NALF1: variants seen among roughly 807,000 people sequenced by gnomAD.
NALF1 encodes NALCN channel auxiliary factor 1.
In NALF1, 3 loss-of-function variants were observed where a neutral mutation model predicts 48.4. That is an observed-to-expected ratio of 0.06 (90% confidence interval 0.03 to 0.16). The LOEUF (loss-of-function observed/expected upper bound fraction) is 0.16, where lower values mean the gene tolerates loss of function less well. NALF1 is among the 10% of genes least tolerant of loss of function. NALF1 has a pLI of 1.00. For missense variants in NALF1, 526 were observed against 571.5 expected (o/e 0.92, Z 0.81); for synonymous variants, 262 against 245.7 (o/e 1.07, Z -0.62).
At chr13:107,308,458 T>G (rs903870512) in intron 1 of NALF1, among the ~76,000 whole-genome samples, 1 of 152,138 alleles carries the variant, frequency 6.6e-6, no homozygotes, top group African/African-American at 2.4e-5. Context: ...CGCCTCGGCC[T>G]CCCAAAGTGC....
In NALF1 at chr13:107,867,153, C is replaced by T. The variant is rs1049239460; in HGVS notation, c.-557G>A. On this transcript the variant is annotated 5_prime_UTR_variant, in exon 1 of 3. Coordinates refer to ENST00000375915, the MANE Select transcript of NALF1 (RefSeq NM_001080396.3). The surrounding 1 kb of genome is among the most constrained non-coding windows in gnomAD (Gnocchi z 4.4). Reference sequence around the variant, plus strand: ...CTCCTCCTCCTCCTCCTCTTCTTCTCCTCCTCTTCCTCCTCCTTCCTTTCC... The same window carrying T: ...CTCCTCCTCCTCCTCCTCTTCTTCTTCTCCTCTTCCTCCTCCTTCCTTTCC... 2.0e-5 allele frequency among the ~76,000 whole-genome samples: 3 copies of T among 151,894 alleles called. No individual in the cohort carries two copies. In the East Asian group the frequency reaches 5.9e-4, roughly 30 times the overall value.
intron 1 of NALF1, among the ~76,000 whole-genome samples, chr13:107,412,165 AAT>A (rs1884003952): frequency 6.6e-6 from 1 of 152,112 alleles, no homozygotes; most frequent in Admixed American, 6.6e-5. Context: ...GCGCTTAAAC[AAT>A]AGTTTCCCAC....
At chr13:107,823,625 C>A (rs1225083448) in intron 1 of NALF1, among the ~76,000 whole-genome samples, 1 of 148,628 alleles carries the variant, frequency 6.7e-6, no homozygotes, top group Non-Finnish European at 1.5e-5. Flanking sequence ...CTCCCTTCTC[C>A]AACTTATGCC....
intron 1 of NALF1, among the ~76,000 whole-genome samples, chr13:107,542,337 C>T (rs1188970208): frequency 1.3e-5 from 2 of 151,670 alleles, no homozygotes; most frequent in African/African-American, 2.4e-5. Context: ...GGGAGGGGGG[C>T]AATGACACTG....
At chr13:107,785,087 T>TAC (rs1191499510) in intron 1 of NALF1, among the ~76,000 whole-genome samples, 1 of 151,954 alleles carries the variant, frequency 6.6e-6, no homozygotes. Context: ...TATGTATATA[T>TAC]ACACACACAT....
intron 1 of NALF1, among the ~76,000 whole-genome samples, chr13:107,717,954 A>T (rs1180780694): frequency 6.6e-6 from 1 of 152,136 alleles, no homozygotes; most frequent in Non-Finnish European, 1.5e-5. Context: ...AGTGCTGCTC[A>T]CTAAGCTTAC....
At chr13:107,359,252 G>A (rs1470761453) in intron 1 of NALF1, among the ~76,000 whole-genome samples, 1 of 151,900 alleles carries the variant, frequency 6.6e-6, no homozygotes, top group Non-Finnish European at 1.5e-5. Flanking sequence ...TATCTCTCAT[G>A]TCAACATTCA....
intron 1 of NALF1, among the ~76,000 whole-genome samples, chr13:107,285,695 C>G (rs1346554156): frequency 6.6e-6 from 1 of 151,802 alleles, no homozygotes; most frequent in East Asian, 1.9e-4. Flanking sequence ...ATGTAGTATA[C>G]AGTATATATT....
At chr13:107,818,871 C>CAAAA (rs774372636) in intron 1 of NALF1, among the ~76,000 whole-genome samples, 1,684 of 73,676 alleles carry the variant, frequency 0.023, 93 homozygotes, top group East Asian at 0.16. Context: ...GACTCCGTCT[C>CAAAA]AAAAAAAAAA....
intron 1 of NALF1, among the ~76,000 whole-genome samples, chr13:107,234,945 G>T (rs372633366): frequency 6.6e-6 from 1 of 152,022 alleles, no homozygotes; most frequent in Non-Finnish European, 1.5e-5. Flanking sequence ...ACGAGCCACA[G>T]TACAGCTCCC....
At position 107,530,307 on chromosome 13, in the gene NALF1, T is replaced by C. The variant is rs116225512; in HGVS notation, c.916-319552A>G. 7.1e-3 allele frequency among the ~76,000 whole-genome samples: 1,084 copies of C among 152,250 alleles called. 11 individuals are homozygous for C. The highest frequency in any genetic ancestry group is 0.025 in the African/African-American group (1,029 of 41,550). ...TAGCATATATCCCAATCCATAATTA[T>C]TTTTATATTTGTTTCCTATTTACTA... is the stretch of plus-strand genomic sequence containing the variant. On this transcript the variant is annotated intron_variant, in intron 1 of 2. Coordinates refer to ENST00000375915, the MANE Select transcript of NALF1 (RefSeq NM_001080396.3).
chr13:107,175,787 GT>G (rs1247883115), intron 2 of NALF1, among the ~76,000 whole-genome samples: 1 of 152,272 alleles, frequency 6.6e-6, no homozygotes, highest in East Asian at 1.9e-4. Flanking sequence ...CCTACAGATG[GT>G]TTCACCCTGC....
chr13:107,608,569 C>T (rs537761120), intron 1 of NALF1, among the ~76,000 whole-genome samples: 89 of 152,266 alleles, frequency 5.8e-4, no homozygotes, highest in Admixed American at 2.9e-3. Flanking sequence ...AAAATACATA[C>T]GAGTAGCTTC....
chr13:107,852,415 T>A (rs138652292), intron 1 of NALF1, among the ~76,000 whole-genome samples: 1 of 152,338 alleles, frequency 6.6e-6, no homozygotes, highest in African/African-American at 2.4e-5. Context: ...CAATATTCAT[T>A]TGTTGCTCTA....
intron 2 of NALF1, among the ~76,000 whole-genome samples, chr13:107,196,237 A>G (rs1879389397): frequency 6.6e-6 from 1 of 152,180 alleles, no homozygotes; most frequent in African/African-American, 2.4e-5. Context: ...AATCTGTACA[A>G]GAAACCCCCA....
At chr13:107,396,821 C>G (rs7995672) in intron 1 of NALF1, among the ~76,000 whole-genome samples, 1 of 152,012 alleles carries the variant, frequency 6.6e-6, no homozygotes, top group East Asian at 1.9e-4. Context: ...AGGAGCTCTG[C>G]GGATTTTTTT....
intron 1 of NALF1, among the ~76,000 whole-genome samples, chr13:107,849,600 C>A (rs2138640903): frequency 6.6e-6 from 1 of 152,204 alleles, no homozygotes; most frequent in East Asian, 1.9e-4. Flanking sequence ...TCTTACAGGG[C>A]AGCTCAAAGC....
intron 1 of NALF1, among the ~76,000 whole-genome samples, chr13:107,363,411 T>C (rs991524852): frequency 2.0e-5 from 3 of 152,176 alleles, no homozygotes; most frequent in Non-Finnish European, 4.4e-5. Flanking sequence ...CCGGACAACA[T>C]AGTGAGACCA....
intron 2 of NALF1, among the ~76,000 whole-genome samples, chr13:107,173,928 T>G (rs1036514880): frequency 6.6e-6 from 1 of 152,204 alleles, no homozygotes; most frequent in Admixed American, 6.5e-5. Flanking sequence ...CTTCATCCCT[T>G]AACTCTGCTT....
Sources: gnomAD v4.1 joint callset for allele counts (sites outside exome capture counted in the v4.1 genomes callset) on GRCh38, gnomAD v4.1.1 for gene constraint, Gnocchi (gnomAD v3.1) non-coding constraint, MANE v1.5 for transcripts, NCBI Gene and HGNC (gene_info 2026-07-23, HGNC 2026-07-21) for gene names.